CFAP95: variants seen among roughly 807,000 people sequenced by gnomAD.
CFAP95 encodes cilia- and flagella-associated protein 95.
the CFAP95 span, among the ~76,000 whole-genome samples, chr9:69,821,720 G>T: frequency 2.0e-5 from 3 of 151,434 alleles, no homozygotes; most frequent in South Asian, 2.1e-4. Flanking sequence ...AACAGACATT[G>T]TTTGGCATGA....
chr9:69,883,686 G>T, the CFAP95 span, among the ~76,000 whole-genome samples: 1 of 151,908 alleles, frequency 6.6e-6, no homozygotes, highest in Non-Finnish European at 1.5e-5. Flanking sequence ...GTTTCCTGTA[G>T]TAGCCACTAA....
At chr9:69,827,536 C>T in the CFAP95 span, among the ~76,000 whole-genome samples, 1 of 152,226 alleles carries the variant, frequency 6.6e-6, no homozygotes, top group Non-Finnish European at 1.5e-5. Context: ...CCACCTTCTC[C>T]TTCCCCCACT....
At chr9:69,878,815 C>T in the CFAP95 span, among the ~76,000 whole-genome samples, 16 of 152,184 alleles carry the variant, frequency 1.1e-4, no homozygotes, top group African/African-American at 3.6e-4. Flanking sequence ...AATTGGCTCA[C>T]AGTTCTACAG....
the CFAP95 span, among the ~76,000 whole-genome samples, chr9:69,895,267 T>C: frequency 1.7e-4 from 26 of 151,910 alleles, no homozygotes; most frequent in African/African-American, 6.3e-4. Flanking sequence ...CTCAAGATTG[T>C]AACATAGAAA....
chr9:69,895,876 A>G, the CFAP95 span, among the ~76,000 whole-genome samples: 1 of 151,904 alleles, frequency 6.6e-6, no homozygotes, highest in Non-Finnish European at 1.5e-5. Context: ...GCTCACTGCA[A>G]TCTCTACCTC....
chr9:69,845,106 T>G, the CFAP95 span, among the ~76,000 whole-genome samples: 1 of 152,210 alleles, frequency 6.6e-6, no homozygotes, highest in African/African-American at 2.4e-5. Flanking sequence ...GTTTTGTGCT[T>G]ATCTTAAGCT....
At chr9:69,862,859 C>G in the CFAP95 span, among the ~76,000 whole-genome samples, 16 of 152,126 alleles carry the variant, frequency 1.1e-4, no homozygotes, top group Admixed American at 6.6e-5. Flanking sequence ...TAACACCTTT[C>G]CTCCATAAGT....
chr9:69,851,293 G>A, the CFAP95 span, among the ~76,000 whole-genome samples: 13 of 152,068 alleles, frequency 8.5e-5, no homozygotes, highest in African/African-American at 2.4e-5. Flanking sequence ...TTCTGGAATC[G>A]GTTCTTCCTT....
At chr9:69,879,779 T>G in the CFAP95 span, among the ~76,000 whole-genome samples, 1 of 152,168 alleles carries the variant, frequency 6.6e-6, no homozygotes, top group African/African-American at 2.4e-5. Flanking sequence ...ATTAGGACAA[T>G]TGGCCTGATA....
chr9:69,881,333 A>G, the CFAP95 span, among the ~76,000 whole-genome samples: 1 of 152,080 alleles, frequency 6.6e-6, no homozygotes, highest in Non-Finnish European at 1.5e-5. Context: ...TTTTGATTTG[A>G]TTTCTGTATA....
chr9:69,826,600 A>C, the CFAP95 span, among the ~76,000 whole-genome samples: 36 of 152,318 alleles, frequency 2.4e-4, no homozygotes, highest in African/African-American at 8.4e-4. Flanking sequence ...TTCTGCCTTT[A>C]ACATAGACTT....
At chr9:69,878,645 G>A in the CFAP95 span, among the ~76,000 whole-genome samples, 1 of 152,170 alleles carries the variant, frequency 6.6e-6, no homozygotes, top group Admixed American at 6.5e-5. Flanking sequence ...GAACCAAAGG[G>A]TTGAGAAATG....
At chr9:69,875,061 G>T in the CFAP95 span, among the ~76,000 whole-genome samples, 3 of 152,238 alleles carry the variant, frequency 2.0e-5, no homozygotes, top group African/African-American at 7.2e-5. Flanking sequence ...TCTCTTAATG[G>T]ACTTGTTCTT....
chr9:69,864,547 G>A, the CFAP95 span, among the ~76,000 whole-genome samples: 2 of 152,056 alleles, frequency 1.3e-5, no homozygotes, highest in Admixed American at 6.6e-5. Flanking sequence ...AAATTTTATG[G>A]CTCTAGGAGA....
chr9:69,833,944 G>A, the CFAP95 span, among the ~76,000 whole-genome samples: 1 of 152,094 alleles, frequency 6.6e-6, no homozygotes, highest in Non-Finnish European at 1.5e-5. Flanking sequence ...TACTCAATAT[G>A]CACAGCTCAT....
chr9:69,845,240 C>T, the CFAP95 span, among the ~76,000 whole-genome samples: 1 of 152,294 alleles, frequency 6.6e-6, no homozygotes, highest in South Asian at 2.1e-4. Flanking sequence ...TGCGTTACTG[C>T]TTGGCTACCT....
the CFAP95 span, among the ~76,000 whole-genome samples, chr9:69,889,107 A>G: frequency 6.6e-6 from 1 of 152,202 alleles, no homozygotes; most frequent in Non-Finnish European, 1.5e-5. Flanking sequence ...TCTTGCTTCT[A>G]CCAGGCTCAG....
the CFAP95 span, among the ~76,000 whole-genome samples, chr9:69,842,339 A>G: frequency 2.0e-5 from 3 of 152,260 alleles, no homozygotes; most frequent in South Asian, 6.2e-4. Flanking sequence ...GATGGCAACA[A>G]AGATGGATTC....
At chr9:69,902,127 A>G in the CFAP95 span, 13 of 298,450 alleles carry the variant, frequency 4.4e-5, no homozygotes, top group East Asian at 1.3e-3. Flanking sequence ...CTAGTGTAAC[A>G]TTCACTATTC....
Sources: allele counts gnomAD v4.1 joint callset (sites outside exome capture counted in the v4.1 genomes callset), GRCh38; gene constraint gnomAD v4.1.1; transcripts MANE v1.5; gene names NCBI Gene and HGNC (gene_info 2026-07-23, HGNC 2026-07-21).